Variants in AOAH observed in about 807,000 individuals in gnomAD.
AOAH encodes acyloxyacyl hydrolase.
In AOAH, 64 loss-of-function variants were observed where a neutral mutation model predicts 92.2. That is an observed-to-expected ratio of 0.69 (90% CI 0.57 to 0.86). The LOEUF is 0.86. Among genes scored for constraint, AOAH ranks in the 40% least tolerant of loss-of-function variants. AOAH has a pLI of 0.00. For synonymous variants in AOAH, 263 were observed against 254.5 expected (o/e 1.03, Z -0.32); for missense variants, 656 against 694.6 (o/e 0.94, Z 0.62).
intron 4 of AOAH, among the ~76,000 whole-genome samples, chr7:36,651,992 A>G (rs1348610015): frequency 6.6e-6 from 1 of 152,100 alleles, no homozygotes; most frequent in Non-Finnish European, 1.5e-5. Flanking sequence ...GAAGACCAGG[A>G]CCTAAGAAGG....
chr7:36,639,128 C>T (rs544438138), intron 4 of AOAH, among the ~76,000 whole-genome samples: 80 of 152,366 alleles, frequency 5.3e-4, no homozygotes, highest in African/African-American at 1.9e-3. Flanking sequence ...ATCTTTAATA[C>T]AAAAGCTGCT....
chr7:36,662,163 G>A (rs1211769465), intron 3 of AOAH, among the ~76,000 whole-genome samples: 3 of 152,146 alleles, frequency 2.0e-5, no homozygotes, highest in Non-Finnish European at 4.4e-5. Flanking sequence ...AGAAAGGGGG[G>A]CCACCTTGGA....
At chr7:36,715,446 A>C (rs1223093927) in intron 1 of AOAH, among the ~76,000 whole-genome samples, 2 of 151,910 alleles carry the variant, frequency 1.3e-5, no homozygotes, top group Non-Finnish European at 2.9e-5. Context: ...GCTACCAATG[A>C]CTTTCTTCAC....
At chr7:36,667,387 A>G (rs953475697) in intron 3 of AOAH, among the ~76,000 whole-genome samples, 1 of 152,198 alleles carries the variant, frequency 6.6e-6, no homozygotes. Context: ...ACCATCTCAC[A>G]GTGCTTATGT....
chr7:36,646,100 T>C (rs1794206367), intron 4 of AOAH, among the ~76,000 whole-genome samples: 4 of 152,258 alleles, frequency 2.6e-5, no homozygotes, highest in Admixed American at 2.0e-4. Context: ...ACCACTCTGC[T>C]ATAGAGTTCT....
intron 14 of AOAH, 84 bp downstream of exon 14, chr7:36,549,355 A>G: frequency 9.5e-7 from 1 of 1,055,924 alleles, no homozygotes; most frequent in Non-Finnish European, 1.5e-6. Context: ...CTCAGTAAAA[A>G]TGATTATGGG....
chr7:36,686,832 C>G (rs1797049849), intron 1 of AOAH, 38 bp from the exon 2 acceptor site: 3 of 1,387,016 alleles, frequency 2.2e-6, no homozygotes, highest in South Asian at 3.0e-5. Flanking sequence ...CTGTGTCACA[C>G]AGAAAACTGA....
rs1641220268 is a variant in AOAH, at chr7:36,632,031, C to T, written c.521+5G>A. ...TGCTCAGGAAGGTAGAAATTGTATA[C>T]ATACAATTTAATTTTCTGGCAGATC... is the stretch of plus-strand genomic sequence containing the variant. On this transcript the variant is annotated splice_donor_5th_base_variant and intron_variant, in intron 6 of 20. Coordinates refer to ENST00000617537, the MANE Select transcript of AOAH (RefSeq NM_001637.4). 4 of 1,598,764 alleles carry T rather than the reference C, an allele frequency of 2.5e-6. No homozygotes were observed. The highest frequency in any genetic ancestry group is 2.7e-5 in the African/African-American group (2 of 74,358).
chr7:36,656,947 C>A (rs748645464), intron 4 of AOAH, among the ~76,000 whole-genome samples: 1 of 151,338 alleles, frequency 6.6e-6, no homozygotes, highest in Non-Finnish European at 1.5e-5. Context: ...GGTAATTCCA[C>A]CTGAGCATTC....
intron 1 of AOAH, among the ~76,000 whole-genome samples, chr7:36,689,396 A>T (rs1179595291): frequency 6.6e-6 from 1 of 152,156 alleles, no homozygotes; most frequent in Non-Finnish European, 1.5e-5. Flanking sequence ...GGAGGCTGGG[A>T]AATTTAAAAT....
chr7:36,522,175 A>G (rs1784139783), intron 19 of AOAH, 60 bp from the exon 20 acceptor site: 3 of 1,540,522 alleles, frequency 1.9e-6, no homozygotes, highest in Admixed American at 1.7e-5. Context: ...GCCAATATCC[A>G]AGGACAAGGA....
At position 36,638,013 on chromosome 7, in the gene AOAH, T is replaced by C. The variant is rs2116316051; in HGVS notation, c.391-103A>G. 3 of 849,642 alleles carry C rather than the reference T, an allele frequency of 3.5e-6. No individual in the cohort carries two copies. The East Asian group carries it at 7.9e-5, about 22-fold the overall frequency. 52.6% of individuals were successfully genotyped at this position (849,642 alleles called of 1,614,324 possible). On this transcript the variant is annotated intron_variant, in intron 4 of 20. Coordinates refer to ENST00000617537, the MANE Select transcript of AOAH (RefSeq NM_001637.4). Reference sequence around the variant, plus strand: ...TTAAAGTCCATAAGTTTTCAATAAATGAACCACTCCATAAATTTGTAATAA... The same window carrying C: ...TTAAAGTCCATAAGTTTTCAATAAACGAACCACTCCATAAATTTGTAATAA...
rs142864739 is a variant in AOAH at position 36,694,122 on chromosome 7, C to T, written c.128-7328G>A. On this transcript the variant is annotated intron_variant, in intron 1 of 20. Transcript: ENST00000617537. ...AATACGTTAAATCAATCATCTTTTA[C>T]TTTCTCATTTTTTTGTGGGGGGAGT... Among the ~76,000 whole-genome samples the T allele has an allele frequency of 2.2e-3, 340 of 152,288 alleles. 3 individuals carry two copies. Among genetic ancestry groups the T allele is most frequent in the African/African-American group, 7.9e-3 (330 of 41,564 alleles).
chr7:36,537,135 A>G (rs188410365), intron 16 of AOAH, among the ~76,000 whole-genome samples: 86 of 152,008 alleles, frequency 5.7e-4, no homozygotes, highest in Non-Finnish European at 1.1e-3. Flanking sequence ...TGTATAATTT[A>G]TTTCCCATGG....
intron 16 of AOAH, among the ~76,000 whole-genome samples, chr7:36,536,544 A>G (rs146584085): frequency 2.6e-3 from 392 of 152,286 alleles, no homozygotes; most frequent in African/African-American, 9.1e-3. Context: ...CTGCTGGCTC[A>G]AGATCCAAAG....
intron 1 of AOAH, among the ~76,000 whole-genome samples, chr7:36,695,232 T>C (rs1432212207): frequency 6.6e-6 from 1 of 152,166 alleles, no homozygotes; most frequent in Admixed American, 6.5e-5. Context: ...GGAATTGCAA[T>C]TGATTATATT....
At chr7:36,647,036 T>C (rs1417969606) in intron 4 of AOAH, among the ~76,000 whole-genome samples, 1 of 152,224 alleles carries the variant, frequency 6.6e-6, no homozygotes, top group African/African-American at 2.4e-5. Context: ...AATTAATGCA[T>C]GTAGTGAACT....
At chr7:36,585,246 C>A (rs1428717422) in intron 12 of AOAH, among the ~76,000 whole-genome samples, 1 of 151,926 alleles carries the variant, frequency 6.6e-6, no homozygotes, top group African/African-American at 2.4e-5. Flanking sequence ...AGGACAAAGA[C>A]AACGGGCGAT....
intron 3 of AOAH, among the ~76,000 whole-genome samples, chr7:36,660,576 C>A (rs1795160115): frequency 6.6e-6 from 1 of 152,174 alleles, no homozygotes; most frequent in South Asian, 2.1e-4. Flanking sequence ...CTCGGCCTCC[C>A]AAAGTGCTGG....
Sources: allele counts gnomAD v4.1 joint callset (sites outside exome capture counted in the v4.1 genomes callset), GRCh38; gene constraint gnomAD v4.1.1; transcripts MANE v1.5; gene names NCBI Gene and HGNC (gene_info 2026-07-23, HGNC 2026-07-21).